Variants in ARHGEF11 observed in about 807,000 individuals in gnomAD.
ARHGEF11 encodes the protein Rho guanine nucleotide exchange factor 11.
Under a neutral mutation model 193.7 loss-of-function variants are expected in ARHGEF11, and 55 were observed. The ratio of observed to expected loss-of-function variants is 0.28; its 90% confidence interval spans 0.23 to 0.36. The LOEUF (loss-of-function observed/expected upper bound fraction) is 0.36. Ranked by LOEUF, ARHGEF11 falls within the 10% of genes least tolerant of loss-of-function variation. ARHGEF11 has a pLI of 1.00. For synonymous variants in ARHGEF11, 693 were observed against 768.0 expected, an observed-to-expected ratio of 0.90 and a Z score of 1.62; for missense variants, 1,723 against 2,005.6, an observed-to-expected ratio of 0.86 and a Z score of 2.69.
chr1:157,019,703 A>C (rs755164748), intron 1 of ARHGEF11, among the ~76,000 whole-genome samples: 10 of 152,226 alleles, frequency 6.6e-5, no homozygotes, highest in Non-Finnish European at 1.3e-4. Context: ...ATTGATAGAC[A>C]CACCAATATA....
Position 157,045,583 on chromosome 1 carries a change from G to A in ARHGEF11, c.-1253C>T, listed in dbSNP as rs1673229706. Among the ~76,000 whole-genome samples the A allele has an allele frequency of 6.6e-6, 1 of 151,802 alleles. No individual in the cohort carries two copies. Among genetic ancestry groups the A allele is most frequent in the South Asian group, 2.1e-4 (1 of 4,832 alleles). ...AATCTCGCAGGCAGGAGCCCGCAGTGCCTCGCGCAGGACGCCCGGCCGGGC... is the reference window on the plus strand; with the variant it reads ...AATCTCGCAGGCAGGAGCCCGCAGTACCTCGCGCAGGACGCCCGGCCGGGC... On this transcript the variant is annotated 5_prime_UTR_variant, in exon 1 of 41. Coordinates refer to ENST00000368194, the MANE Select transcript of ARHGEF11 (RefSeq NM_198236.3).
chr1:156,980,833 CG>C (rs60219718), intron 3 of ARHGEF11, among the ~76,000 whole-genome samples: 3,072 of 33,448 alleles, frequency 0.092, 156 homozygotes, highest in African/African-American at 0.15. Context: ...AGTTATATTC[CG>C]GGGGGGGGGG....
At position 156,939,831 on chromosome 1, in the gene ARHGEF11, C is replaced by T. The variant is rs1300514497; in HGVS notation, c.3813G>A (p.Glu1271=). Residue 1271 remains glutamate (E), a synonymous_variant, in exon 37 of 41, where the codon GAG becomes GAA. Transcript: ENST00000368194. Reference sequence around the variant, plus strand: ...CAGAAGGTGTGGGTGTCAGGTCGTCCTCGGGCTCCTGGGCAGCCTGAGTTT... The same window carrying T: ...CAGAAGGTGTGGGTGTCAGGTCGTCTTCGGGCTCCTGGGCAGCCTGAGTTT... ...TMETQAAQEP[E]DDLTPTPSVI... is the part of the protein sequence containing the mutation. The T allele has an allele frequency of 5.0e-6, 8 of 1,613,164 alleles. No individual in the cohort carries two copies. In the South Asian group the frequency reaches 7.7e-5, roughly 15 times the overall value.
chr1:157,013,831 T>C (rs916934158), intron 1 of ARHGEF11, among the ~76,000 whole-genome samples: 1 of 152,232 alleles, frequency 6.6e-6, no homozygotes, highest in African/African-American at 2.4e-5. Flanking sequence ...CTCCCAGGTA[T>C]CAACGTCCTC....
At chr1:156,936,497 A>AAAAAATATATATAT (rs370282821) in intron 40 of ARHGEF11, among the ~76,000 whole-genome samples, 1 of 33,938 alleles carries the variant, frequency 2.9e-5, no homozygotes, top group Non-Finnish European at 4.6e-5. Context: ...AAAAAAAAAA[A>AAAAAATATATATAT]ATATATATAT....
At chr1:156,975,376 TC>T (rs1172947706) in intron 7 of ARHGEF11, among the ~76,000 whole-genome samples, 1 of 152,242 alleles carries the variant, frequency 6.6e-6, no homozygotes, top group African/African-American at 2.4e-5. Flanking sequence ...TCTATTCAAA[TC>T]CTTTGCAAGT....
At chr1:156,980,790 C>A (rs975440910) in intron 3 of ARHGEF11, among the ~76,000 whole-genome samples, 1 of 119,124 alleles carries the variant, frequency 8.4e-6, no homozygotes, top group African/African-American at 3.3e-5. Flanking sequence ...GTGCTTCATT[C>A]GAGTGTATCT....
rs1415656745 is a variant in ARHGEF11 at position 156,935,764 on chromosome 1, G to A, written c.*236C>T. ...TTTCGGATGCAGTCAGCATGCTTAG[G>A]AGACATGAGGCCTTGGAGGGTTGGG... On this transcript the variant is annotated 3_prime_UTR_variant, in exon 41 of 41. Transcript: ENST00000368194. The A allele has an allele frequency of 1.3e-5, 7 of 537,144 alleles. No homozygotes were observed. The highest frequency in any genetic ancestry group is 2.0e-5 in the Non-Finnish European group (6 of 302,334). The allele number at this position is 537,144 out of a possible 1,614,324, so 33.3% of individuals were successfully genotyped here.
chr1:156,941,846 G>A lies in ARHGEF11; in HGVS notation c.3452+18C>T, dbSNP rs367913742. 5.0e-6 allele frequency: 8 copies of A among 1,596,314 alleles called. No homozygotes were observed. In the African/African-American group the frequency reaches 5.4e-5, roughly 11 times the overall value. On this transcript the variant is annotated intron_variant, in intron 34 of 40. Coordinates refer to ENST00000368194, the MANE Select transcript of ARHGEF11 (RefSeq NM_198236.3). ...TGGAGTGGAGAGAGTGCAGGGTCTG[G>A]AGGGCTAAGCACTGCACCTGCTGGG...
intron 20 of ARHGEF11, among the ~76,000 whole-genome samples, chr1:156,955,189 G>C (rs1305390203): frequency 3.9e-5 from 6 of 152,274 alleles, no homozygotes; most frequent in African/African-American, 1.4e-4. Flanking sequence ...CCAGACAAAT[G>C]ACACACGCTG....
intron 1 of ARHGEF11, among the ~76,000 whole-genome samples, chr1:157,028,873 T>C (rs537518169): frequency 1.3e-5 from 2 of 152,040 alleles, no homozygotes; most frequent in Admixed American, 6.5e-5. Context: ...TTGGTAAAGA[T>C]ATGGAGAAAC....
At chr1:156,944,134 C>T in intron 31 of ARHGEF11, 32 bp from the exon 32 acceptor site, 1 of 1,603,810 alleles carries the variant, frequency 6.2e-7, no homozygotes, top group East Asian at 2.2e-5. Flanking sequence ...AAGGTGTTCC[C>T]TGGTGCCTAC....
chr1:157,037,413 A>T (rs1672179223), intron 1 of ARHGEF11, among the ~76,000 whole-genome samples: 1 of 152,040 alleles, frequency 6.6e-6, no homozygotes, highest in South Asian at 2.1e-4. Context: ...CTACCACATA[A>T]AGTCTGAATC....
Position 156,945,163 on chromosome 1 carries a change from G to A in ARHGEF11, c.2847C>T (p.Ala949=). The part of the protein sequence containing the change: ...GTSEHEKLCR[A]RDQCREILKY... ...TGAGAATCTCCCGGCACTGGTCCCG[G>A]GCCCGGCACAGCTTCTCATGCTCAG... Residue 949 remains alanine (A), a synonymous_variant, in exon 30 of 41, where the codon GCC becomes GCT. Coordinates refer to ENST00000368194, the MANE Select transcript of ARHGEF11 (RefSeq NM_198236.3). 1 of 1,614,078 alleles carries A rather than the reference G, an allele frequency of 6.2e-7. No homozygotes were observed. Among genetic ancestry groups the A allele is most frequent in the Non-Finnish European group, 8.5e-7 (1 of 1,179,980 alleles).
intron 1 of ARHGEF11, among the ~76,000 whole-genome samples, chr1:157,037,302 C>T (rs902875218): frequency 7.2e-5 from 11 of 152,114 alleles, no homozygotes; most frequent in African/African-American, 2.7e-4. Flanking sequence ...GCTTCCTAAC[C>T]CCAAGCTCTC....
At chr1:156,959,553 A>G (rs1299519247) in intron 15 of ARHGEF11, among the ~76,000 whole-genome samples, 1 of 152,224 alleles carries the variant, frequency 6.6e-6, no homozygotes, top group Non-Finnish European at 1.5e-5. Flanking sequence ...TGAGCTCCCC[A>G]GTAGAAACTG....
intron 1 of ARHGEF11, among the ~76,000 whole-genome samples, chr1:157,030,285 C>A (rs1051371978): frequency 6.6e-6 from 1 of 152,136 alleles, no homozygotes; most frequent in African/African-American, 2.4e-5. Context: ...AAAGATGCTG[C>A]ACTGCTAAGT....
rs1571646696 is a variant in ARHGEF11 at position 157,044,588 on chromosome 1, G to A, written c.-258C>T. On this transcript the variant is annotated 5_prime_UTR_variant, in exon 1 of 41. Coordinates refer to ENST00000368194, the MANE Select transcript of ARHGEF11 (RefSeq NM_198236.3). ...AAAGAAAAGAAAAAAGAAAAAAAAA[G>A]GAAAAGAGGAAAAACTACGACCTTC... 4.1e-6 allele frequency: 2 copies of A among 484,614 alleles called. No individual in the cohort carries two copies. The highest frequency in any genetic ancestry group is 3.0e-5 in the East Asian group (1 of 33,208). 30.0% of individuals were successfully genotyped at this position (484,614 alleles called of 1,614,324 possible). A position where few individuals can be genotyped will look rare whatever the true frequency, so the allele number is the denominator to read the frequency against.
intron 35 of ARHGEF11, among the ~76,000 whole-genome samples, chr1:156,940,702 T>C (rs112544592): frequency 1.2e-3 from 176 of 152,260 alleles, no homozygotes; most frequent in African/African-American, 3.9e-3. Flanking sequence ...AGGCAGTAAC[T>C]TCCACCGGAA....
Sources: gnomAD v4.1 joint callset for allele counts (sites outside exome capture counted in the v4.1 genomes callset) on GRCh38, gnomAD v4.1.1 for gene constraint, MANE v1.5 for transcripts, NCBI Gene and HGNC (gene_info 2026-07-23, HGNC 2026-07-21) for gene names.